Variants in UNC79 observed in about 807,000 individuals in gnomAD.
UNC79 encodes protein unc-79 homolog.
In UNC79, 37 loss-of-function variants were observed where a neutral mutation model predicts 283.1. The observed-to-expected ratio is 0.13, with a 90% CI of 0.10 to 0.17. The LOEUF (loss-of-function observed/expected upper bound fraction) is 0.17. Among genes scored for constraint, UNC79 ranks in the 10% least tolerant of loss-of-function variants. The pLI is 1.00. For synonymous variants in UNC79, 1,107 were observed against 1,200.2 expected, an observed-to-expected ratio of 0.92 and a Z score of 1.61; for missense variants, 2,272 against 3,211.1, an observed-to-expected ratio of 0.71 and a Z score of 7.07.
intron 25 of UNC79, 33 bp from the exon 26 acceptor site, chr14:93,603,206 A>C: frequency 6.2e-7 from 1 of 1,609,466 alleles, no homozygotes; most frequent in Non-Finnish European, 8.5e-7. Flanking sequence ...TGTGTAAAGG[A>C]GAGTGATAGT....
intron 1 of UNC79, among the ~76,000 whole-genome samples, chr14:93,425,076 C>T (rs2055694881): frequency 6.6e-6 from 1 of 152,016 alleles, no homozygotes; most frequent in African/African-American, 2.4e-5. Context: ...TAAAGGACTG[C>T]CTGAGACTGG....
At chr14:93,483,325 G>A (rs773313567) in intron 4 of UNC79, among the ~76,000 whole-genome samples, 86 of 152,136 alleles carry the variant, frequency 5.7e-4, no homozygotes, top group African/African-American at 2.0e-3. Flanking sequence ...TAAAAATTTT[G>A]TGCTGTCCAG....
intron 1 of UNC79, among the ~76,000 whole-genome samples, chr14:93,346,932 A>AGAGCAGGGGGTACTGAACTGAAGAGAGTG (rs2053847582): frequency 6.6e-6 from 1 of 151,892 alleles, no homozygotes; most frequent in African/African-American, 2.4e-5. Context: ...AAGGCGGGGC[A>AGAGCAGGGGGTACTGAACTGAAGAGAGTG]GAGCAGGGGG....
In UNC79 at chr14:93,695,890, C is replaced by CAAAAAAAAAAAAAA. The variant is rs535235954; in HGVS notation, c.7548+1485_7548+1498dup. On this transcript the variant is annotated intron_variant, in intron 47 of 48. Coordinates refer to ENST00000555664, the Ensembl canonical transcript of UNC79. ...TGGGCAACAGGATGAGACTTTGTCT[C>CAAAAAAAAAAAAAA]AAAAAAAAAAAAAAAAAAAAGCAAA... Among the ~76,000 whole-genome samples the CAAAAAAAAAAAAAA allele has an allele frequency of 4.8e-3, 188 of 39,382 alleles. 7 individuals carry two copies. The highest frequency in any genetic ancestry group is 0.017 in the African/African-American group (163 of 9,400). 25.8% of individuals were successfully genotyped at this position (39,382 alleles called of 152,430 possible).
chr14:93,586,204 A>G (rs889884727), intron 20 of UNC79, among the ~76,000 whole-genome samples: 2 of 152,192 alleles, frequency 1.3e-5, no homozygotes, highest in African/African-American at 4.8e-5. Flanking sequence ...TAATACCTGC[A>G]TATCTCCCTT....
intron 19 of UNC79, among the ~76,000 whole-genome samples, chr14:93,581,877 A>G (rs544442073): frequency 6.6e-6 from 1 of 152,302 alleles, no homozygotes; most frequent in African/African-American, 2.4e-5. Flanking sequence ...CATGGGTGAG[A>G]ATGACTTGAT....
intron 42 of UNC79, among the ~76,000 whole-genome samples, chr14:93,684,348 T>C (rs993171688): frequency 1.3e-5 from 2 of 152,122 alleles, no homozygotes; most frequent in African/African-American, 2.4e-5. Context: ...TCTGAGAAAA[T>C]AAATATGCAC....
At chr14:93,424,685 A>T (rs1340052348) in intron 1 of UNC79, among the ~76,000 whole-genome samples, 1 of 151,956 alleles carries the variant, frequency 6.6e-6, no homozygotes. Context: ...AGAGATAGAG[A>T]GTAGAAGGAT....
At chr14:93,657,051 G>T (rs771490144) in intron 38 of UNC79, among the ~76,000 whole-genome samples, 1 of 152,184 alleles carries the variant, frequency 6.6e-6, no homozygotes, top group Non-Finnish European at 1.5e-5. Context: ...TTAGCTCAGC[G>T]TGTGCTGCTT....
At chr14:93,370,878 T>C (rs2054429041) in intron 1 of UNC79, among the ~76,000 whole-genome samples, 1 of 151,136 alleles carries the variant, frequency 6.6e-6, no homozygotes, top group Non-Finnish European at 1.5e-5. Context: ...CCAAGGACTG[T>C]GGAACAACTA....
intron 1 of UNC79, among the ~76,000 whole-genome samples, chr14:93,409,886 T>C (rs2055300771): frequency 6.6e-6 from 1 of 152,106 alleles, no homozygotes; most frequent in African/African-American, 2.4e-5. Context: ...TTTACATGAG[T>C]AGAAGGGGTG....
intron 1 of UNC79, among the ~76,000 whole-genome samples, chr14:93,445,485 A>T (rs1437690610): frequency 6.6e-6 from 1 of 152,168 alleles, no homozygotes; most frequent in Non-Finnish European, 1.5e-5. Flanking sequence ...TATTCTTCTA[A>T]AAATATTGTT....
chr14:93,622,197 G>T (rs777617961), exon 30 of UNC79: 1 of 1,614,144 alleles, frequency 6.2e-7, no homozygotes, highest in South Asian at 1.1e-5. Flanking sequence ...ATGAACCAAG[G>T]CGATGACGGC....
At chr14:93,343,838 A>G (rs768684092) in intron 1 of UNC79, among the ~76,000 whole-genome samples, 3 of 152,238 alleles carry the variant, frequency 2.0e-5, no homozygotes, top group Admixed American at 6.5e-5. Flanking sequence ...GTTCTTTTAT[A>G]TAACTGCAGA....
intron 14 of UNC79, among the ~76,000 whole-genome samples, chr14:93,547,843 A>T (rs1291219417): frequency 6.6e-6 from 1 of 151,924 alleles, no homozygotes; most frequent in African/African-American, 2.4e-5. Flanking sequence ...ATAAAAAAAA[A>T]ATTATCCTGG....
Position 93,600,186 on chromosome 14 carries a change from T to C in UNC79, c.3373-383T>C, listed in dbSNP as rs556690415. On this transcript the variant is annotated intron_variant, in intron 24 of 48. Transcript: ENST00000555664. The stretch of plus-strand genomic sequence containing the variant: ...CTGCACTCCAGCCTGGGCGACAGAG[T>C]GAGACTTCATCTCAAAAAACAAACA... Among the ~76,000 whole-genome samples the C allele has an allele frequency of 2.2e-4, 34 of 152,090 alleles. No homozygotes were observed. In the East Asian group the frequency reaches 6.0e-3, roughly 27 times the overall value.
chr14:93,590,763 G>A (rs1229119292), intron 22 of UNC79, among the ~76,000 whole-genome samples: 4 of 152,172 alleles, frequency 2.6e-5, no homozygotes, highest in African/African-American at 4.8e-5. Context: ...TGGGAAAGGC[G>A]AATGGGACTG....
chr14:93,454,891 T>C (rs1566945811), intron 1 of UNC79, among the ~76,000 whole-genome samples: 1 of 152,246 alleles, frequency 6.6e-6, no homozygotes, highest in South Asian at 2.1e-4. Flanking sequence ...AATTGAATAA[T>C]GTATGTGGAA....
At chr14:93,647,709 A>G (rs2069776024) in intron 35 of UNC79, among the ~76,000 whole-genome samples, 1 of 152,140 alleles carries the variant, frequency 6.6e-6, no homozygotes, top group Non-Finnish European at 1.5e-5. Flanking sequence ...GAGTCATTGG[A>G]GTGAGGAGCA....
Sources: allele counts gnomAD v4.1 joint callset (sites outside exome capture counted in the v4.1 genomes callset), GRCh38; gene constraint gnomAD v4.1.1; transcripts MANE v1.5; gene names NCBI Gene and HGNC (gene_info 2026-07-23, HGNC 2026-07-21).